STK33: variants seen among roughly 807,000 people sequenced by gnomAD.
The protein encoded by STK33 is serine/threonine kinase 33, also known as serine/threonine-protein kinase 33.
Under a neutral mutation model 58.0 loss-of-function variants are expected in STK33, and 52 were observed. The observed-to-expected ratio is 0.90, with a 90% CI of 0.72 to 1.13. The LOEUF is 1.13. Among genes scored for constraint, STK33 ranks in the 50% most tolerant of loss-of-function variants. The pLI, the probability that STK33 is intolerant of heterozygous loss-of-function variation, is 0.00. For synonymous variants in STK33, 215 were observed against 200.1 expected (o/e 1.07, Z -0.63); for missense variants, 630 against 604.2 (o/e 1.04, Z -0.45).
intron 1 of STK33, among the ~76,000 whole-genome samples, chr11:8,488,875 T>A (rs1332346333): frequency 6.6e-6 from 1 of 152,150 alleles, no homozygotes; most frequent in Non-Finnish European, 1.5e-5. Flanking sequence ...GAAACTGCCC[T>A]AAGGAGGCCC....
chr11:8,488,157 A>T (rs1290990982), intron 1 of STK33, among the ~76,000 whole-genome samples: 1 of 152,136 alleles, frequency 6.6e-6, no homozygotes, highest in Non-Finnish European at 1.5e-5. Flanking sequence ...ATTTGGCCTA[A>T]CTCAGGGCTT....
At chr11:8,395,251 C>T (rs1050284988) in intron 15 of STK33, among the ~76,000 whole-genome samples, 4 of 152,180 alleles carry the variant, frequency 2.6e-5, no homozygotes, top group Non-Finnish European at 5.9e-5. Flanking sequence ...AATTGAATCA[C>T]AGGGGCAGGT....
chr11:8,507,704 C>G (rs1241086916), intron 1 of STK33, among the ~76,000 whole-genome samples: 1 of 152,156 alleles, frequency 6.6e-6, no homozygotes, highest in Non-Finnish European at 1.5e-5. Context: ...ATTGGGTAAA[C>G]AAGCCCCTAC....
chr11:8,493,072 G>A (rs1329488508), intron 1 of STK33, among the ~76,000 whole-genome samples: 6 of 152,058 alleles, frequency 3.9e-5, no homozygotes, highest in Non-Finnish European at 7.4e-5. Context: ...TCAATAACTA[G>A]CAGAAGGCAA....
the STK33 span, among the ~76,000 whole-genome samples, chr11:8,337,606 G>T: frequency 6.8e-6 from 1 of 147,708 alleles, no homozygotes; most frequent in Admixed American, 6.7e-5. Context: ...GCAGCCTGCA[G>T]CGTGGGCCAG....
intron 6 of STK33, chr11:8,465,745 T>A (rs928204446): frequency 2.0e-5 from 3 of 151,820 alleles, no homozygotes; most frequent in African/African-American, 7.3e-5. Context: ...AAAATGCCAC[T>A]CTCTCTCTCT....
chr11:8,564,632 AGTTAACC>A (rs1957332808), intron 1 of STK33, among the ~76,000 whole-genome samples: 1 of 152,196 alleles, frequency 6.6e-6, no homozygotes, highest in Non-Finnish European at 1.5e-5. Context: ...TACTTTTTGC[AGTTAACC>A]ACAGATGGAC....
chr11:8,511,045 C>T lies in STK33; in HGVS notation c.-465-30431G>A, dbSNP rs1039034221. On this transcript the variant is annotated intron_variant, in intron 1 of 15. Transcript: ENST00000687296. The stretch of plus-strand genomic sequence containing the variant: ...GTGAAGAATGACAATAGTATTTTAA[C>T]GGGAATTGCACTGAATCTGTAGATT... Among the ~76,000 whole-genome samples, 14 of 152,088 alleles carry T rather than the reference C, an allele frequency of 9.2e-5. No individual in the cohort carries two copies. In the South Asian group the frequency reaches 1.4e-3, roughly 16 times the overall value.
intron 1 of STK33, among the ~76,000 whole-genome samples, chr11:8,529,155 C>T (rs1565284359): frequency 6.6e-6 from 1 of 152,158 alleles, no homozygotes; most frequent in Non-Finnish European, 1.5e-5. Flanking sequence ...CAGTCTAAAA[C>T]TATTTAGTAT....
At chr11:8,336,968 C>T in the STK33 span, among the ~76,000 whole-genome samples, 8 of 152,386 alleles carry the variant, frequency 5.2e-5, no homozygotes, top group African/African-American at 1.9e-4. Context: ...TGGCCTTGTT[C>T]TCATTGTCCT....
the STK33 span, among the ~76,000 whole-genome samples, chr11:8,349,584 A>C: frequency 6.6e-6 from 1 of 152,184 alleles, no homozygotes; most frequent in Non-Finnish European, 1.5e-5. Context: ...CTCACATTCA[A>C]TTCTCTGGAT....
chr11:8,458,213 T>C (rs962116873), intron 8 of STK33, among the ~76,000 whole-genome samples: 4 of 151,958 alleles, frequency 2.6e-5, no homozygotes, highest in Non-Finnish European at 5.9e-5. Flanking sequence ...CAATAGCAAA[T>C]ATTATTGGCT....
At chr11:8,395,526 T>A (rs1287609509) in intron 15 of STK33, among the ~76,000 whole-genome samples, 2 of 152,226 alleles carry the variant, frequency 1.3e-5, no homozygotes, top group East Asian at 3.8e-4. Flanking sequence ...TGACATGCTT[T>A]CTTCCTGCTT....
intron 1 of STK33, among the ~76,000 whole-genome samples, chr11:8,483,632 G>A (rs1351551568): frequency 1.3e-5 from 2 of 152,136 alleles, no homozygotes; most frequent in Non-Finnish European, 2.9e-5. Context: ...AATGGAGGGG[G>A]CACAGGGCAT....
intron 1 of STK33, among the ~76,000 whole-genome samples, chr11:8,585,148 C>A (rs2031281412): frequency 6.6e-6 from 1 of 151,234 alleles, no homozygotes; most frequent in African/African-American, 2.4e-5. Flanking sequence ...GTCTCAAACT[C>A]CTGACTTCAG....
intron 1 of STK33, among the ~76,000 whole-genome samples, chr11:8,482,112 T>TGAAA (rs1949855120): frequency 2.6e-5 from 4 of 152,198 alleles, no homozygotes; most frequent in Admixed American, 6.5e-5. Context: ...GAGAGCCTGT[T>TGAAA]TCCTTTGATC....
At chr11:8,379,587 A>G in the STK33 span, among the ~76,000 whole-genome samples, 1 of 152,220 alleles carries the variant, frequency 6.6e-6, no homozygotes, top group Non-Finnish European at 1.5e-5. Context: ...TAGAACCACA[A>G]TGAGGTACCA....
chr11:8,354,514 A>ACACC, the STK33 span, among the ~76,000 whole-genome samples: 1 of 131,674 alleles, frequency 7.6e-6, no homozygotes, highest in Non-Finnish European at 1.7e-5. Flanking sequence ...ACACACACAC[A>ACACC]CACCCCTCAG....
chr11:8,528,055 G>C (rs1205753955), intron 1 of STK33, among the ~76,000 whole-genome samples: 2 of 152,168 alleles, frequency 1.3e-5, no homozygotes, highest in African/African-American at 4.8e-5. Context: ...GCATTGGGTA[G>C]TGTTATACAT....
Sources: gnomAD v4.1 joint callset for allele counts (sites outside exome capture counted in the v4.1 genomes callset) on GRCh38, gnomAD v4.1.1 for gene constraint, MANE v1.5 for transcripts, NCBI Gene and HGNC (gene_info 2026-07-23, HGNC 2026-07-21) for gene names.